Variants in CACNA1I observed in about 807,000 individuals in gnomAD.
CACNA1I encodes calcium voltage-gated channel subunit alpha1 I, also known as voltage-dependent T-type calcium channel subunit alpha-1I.
Under a neutral mutation model 201.6 loss-of-function variants are expected in CACNA1I, and 74 were observed. That is an observed-to-expected ratio of 0.37 (90% CI 0.30 to 0.45). The LOEUF (loss-of-function observed/expected upper bound fraction) is 0.45. CACNA1I is among the 20% of genes least tolerant of loss of function. The pLI is 1.00. For synonymous variants in CACNA1I, 1,431 were observed against 1,345.2 expected, an observed-to-expected ratio of 1.06 and a Z score of -1.40; for missense variants, 2,346 against 3,138.1, an observed-to-expected ratio of 0.75 and a Z score of 6.03.
chr22:39,679,670 C>G, intron 32 of CACNA1I, 52 bp from the exon 33 acceptor site: 1 of 1,531,656 alleles, frequency 6.5e-7, no homozygotes, highest in Non-Finnish European at 8.8e-7. Flanking sequence ...CCCACAGCCC[C>G]GGGACCCGGC....
At position 39,619,388 on chromosome 22, in the gene CACNA1I, A is replaced by G. The variant is rs1314120564; in HGVS notation, c.561A>G (p.Lys187=). 1 of 1,608,700 alleles carries G rather than the reference A, an allele frequency of 6.2e-7. No homozygotes were observed. The highest frequency in any genetic ancestry group is 1.7e-5 in the Admixed American group (1 of 60,012). The change falls in exon 4 of 37, where the codon AAA becomes AAG. Residue 187 remains lysine, a synonymous_variant. Transcript: ENST00000402142. The stretch of plus-strand genomic sequence containing the variant: ...CCGTGCGCGTCCTGAGGCCCCTCAA[A>G]GCCATCAACCGCGTGCCCAGTGAGT... ...IRTVRVLRPL[K]AINRVPSMRI...
chr22:39,651,103 G>A (rs1399523008), intron 10 of CACNA1I, among the ~76,000 whole-genome samples: 1 of 152,216 alleles, frequency 6.6e-6, no homozygotes, highest in Non-Finnish European at 1.5e-5. Context: ...CCAGCTCTGC[G>A]AAGGTTCCCA....
chr22:39,586,860 C>T (rs1227588608), intron 1 of CACNA1I, among the ~76,000 whole-genome samples: 2 of 152,164 alleles, frequency 1.3e-5, no homozygotes, highest in Admixed American at 1.3e-4. Context: ...ATCAGAGGCA[C>T]GGTGAGGTCC....
intron 1 of CACNA1I, among the ~76,000 whole-genome samples, chr22:39,595,441 C>T (rs528434874): frequency 7.9e-5 from 12 of 151,008 alleles, no homozygotes; most frequent in African/African-American, 1.7e-4. Context: ...CTGGCCAACA[C>T]GGTGAAAACC....
At chr22:39,589,429 C>A (rs781717892) in intron 1 of CACNA1I, among the ~76,000 whole-genome samples, 1 of 152,220 alleles carries the variant, frequency 6.6e-6, no homozygotes, top group Non-Finnish European at 1.5e-5. Context: ...ATTGAATAAA[C>A]GAATGAACGA....
At chr22:39,681,532 G>GA (rs1292821346) in intron 34 of CACNA1I, among the ~76,000 whole-genome samples, 9 of 152,204 alleles carry the variant, frequency 5.9e-5, no homozygotes, top group African/African-American at 1.7e-4. Flanking sequence ...CACATGTGAG[G>GA]AAATGGTTCC....
rs371717236 is a variant in CACNA1I at position 39,663,443 on chromosome 22, G to A, written c.3474-275G>A. On this transcript the variant is annotated intron_variant, in intron 18 of 36. Coordinates refer to ENST00000402142, the MANE Select transcript of CACNA1I (RefSeq NM_021096.4). The stretch of plus-strand genomic sequence containing the variant: ...GCAGAAGCAGAGGGTACTAGGCAGC[G>A]TGGTATCCTCCTGACAGGCTCAGGG... Among the ~76,000 whole-genome samples the A allele has an allele frequency of 5.9e-5, 9 of 152,288 alleles. No homozygotes were observed. In the South Asian group the frequency reaches 1.2e-3, roughly 21 times the overall value.
At chr22:39,602,643 C>T (rs968456494) in intron 3 of CACNA1I, among the ~76,000 whole-genome samples, 5 of 151,930 alleles carry the variant, frequency 3.3e-5, no homozygotes, top group Non-Finnish European at 4.4e-5. Context: ...GAGTGTGGAC[C>T]GTTATTTGTG....
chr22:39,679,941 G>C, intron 33 of CACNA1I, 73 bp downstream of exon 33: 1 of 1,455,366 alleles, frequency 6.9e-7, no homozygotes, highest in Non-Finnish European at 9.4e-7. Context: ...CCTGTCCGAG[G>C]GCAGAGCCTG....
chr22:39,580,498 G>C (rs1386453669), intron 1 of CACNA1I, among the ~76,000 whole-genome samples: 1 of 152,194 alleles, frequency 6.6e-6, no homozygotes, highest in Non-Finnish European at 1.5e-5. Flanking sequence ...CAACCTGGGG[G>C]CACTGGTGAA....
chr22:39,616,329 G>C (rs1933535418), intron 3 of CACNA1I, among the ~76,000 whole-genome samples: 2 of 152,178 alleles, frequency 1.3e-5, no homozygotes, highest in African/African-American at 2.4e-5. Context: ...GGGTCTGGGA[G>C]GTGTTCAGAT....
At chr22:39,576,153 C>G (rs1156825770) in intron 1 of CACNA1I, among the ~76,000 whole-genome samples, 2 of 152,184 alleles carry the variant, frequency 1.3e-5, no homozygotes, top group African/African-American at 4.8e-5. Context: ...TCCTTTTCCC[C>G]CTCTCTGAGC....
rs1935688423 is a variant in CACNA1I, at chr22:39,681,029, C to A, written c.5641C>A (p.Pro1881Thr). ...GAGTCTCGAGGACCCCACAGCCTGCCCACCTGGCCGCAAAGACAGCAAGGT... is the reference window on the plus strand; with the variant it reads ...GAGTCTCGAGGACCCCACAGCCTGCACACCTGGCCGCAAAGACAGCAAGGT... ...DLSLEDPTAC[P>T]PGRKDSKGEL... Residue 1881 changes from proline (P) to threonine (T), a missense_variant, in exon 34 of 37, where the codon CCA becomes ACA. Physicochemically the swap from Pro to Thr is conservative, Grantham distance 38. Transcript: ENST00000402142. 6.2e-7 allele frequency: 1 copy of A among 1,610,196 alleles called. No individual in the cohort carries two copies. The highest frequency in any genetic ancestry group is 8.5e-7 in the Non-Finnish European group (1 of 1,179,118).
At chr22:39,575,412 A>C (rs1379813320) in intron 1 of CACNA1I, among the ~76,000 whole-genome samples, 1 of 152,162 alleles carries the variant, frequency 6.6e-6, no homozygotes, top group African/African-American at 2.4e-5. Context: ...AAAAGCCACC[A>C]TATGTGTGGT....
rs367845735 is a variant in CACNA1I at position 39,645,216 on chromosome 22, A to G, written c.1150-1353A>G. ...TGGCCAGGCTGGTCTCGAACTCCTG[A>G]CTTCAAGTGATCCACCCACTTCAGC... On this transcript the variant is annotated intron_variant, in intron 7 of 36. Coordinates refer to ENST00000402142, the MANE Select transcript of CACNA1I (RefSeq NM_021096.4). Among the ~76,000 whole-genome samples the G allele has an allele frequency of 3.9e-4, 59 of 151,824 alleles. 1 individual carries two copies. The highest frequency in any genetic ancestry group is 1.4e-3 in the African/African-American group (59 of 41,368).
chr22:39,677,571 C>T lies in CACNA1I; in HGVS notation c.4933+152C>T, dbSNP rs1296741673. On this transcript the variant is annotated intron_variant, in intron 30 of 36. Coordinates refer to ENST00000402142, the MANE Select transcript of CACNA1I (RefSeq NM_021096.4). The surrounding 1 kb of genome is among the most constrained non-coding windows in gnomAD (Gnocchi z 4.8). ...ACAGCAGGGCCCTCAGCTGTCTGGT[C>T]TCCCAGGAAAACTGCCCTCCCTACC... Among the ~76,000 whole-genome samples the T allele has an allele frequency of 3.3e-5, 5 of 152,164 alleles. No individual in the cohort carries two copies. The highest frequency in any genetic ancestry group is 1.2e-4 in the African/African-American group (5 of 41,436).
Position 39,629,684 on chromosome 22 carries a change from A to C in CACNA1I, c.581-4881A>C, listed in dbSNP as rs933318504. On this transcript the variant is annotated intron_variant, in intron 4 of 36. Coordinates refer to ENST00000402142, the MANE Select transcript of CACNA1I (RefSeq NM_021096.4). This position sits in a 1 kb window ranked among gnomAD's most constrained non-coding sequence, Gnocchi z 4.8. ...GGGAACCACAGCTCTCCTGGGCCCCACACTCAGCGCTCCGGTTTCTGTCCC... is the reference window on the plus strand; with the variant it reads ...GGGAACCACAGCTCTCCTGGGCCCCCCACTCAGCGCTCCGGTTTCTGTCCC... Among the ~76,000 whole-genome samples the C allele has an allele frequency of 6.6e-6, 1 of 152,022 alleles. No individual in the cohort carries two copies. Among genetic ancestry groups the C allele is most frequent in the Non-Finnish European group, 1.5e-5 (1 of 67,984 alleles).
intron 1 of CACNA1I, among the ~76,000 whole-genome samples, chr22:39,572,837 A>C (rs1252511539): frequency 6.6e-6 from 1 of 151,442 alleles, no homozygotes; most frequent in African/African-American, 2.4e-5. Context: ...GCTCACTGCA[A>C]CCTCCGCCTC....
rs113521060 is a variant in CACNA1I, at chr22:39,576,131, G to A, written c.236+5143G>A. 6.4e-3 allele frequency among the ~76,000 whole-genome samples: 969 copies of A among 152,286 alleles called. 7 individuals are homozygous for A. Among genetic ancestry groups the A allele is most frequent in the African/African-American group, 0.022 (924 of 41,550 alleles). Reference sequence around the variant, plus strand: ...GCATATGAGTGAAGGGCCAGAGTGGGTTGCACTCACTTCCTTTTCCCCCTC... The same window carrying A: ...GCATATGAGTGAAGGGCCAGAGTGGATTGCACTCACTTCCTTTTCCCCCTC... On this transcript the variant is annotated intron_variant, in intron 1 of 36. Transcript: ENST00000402142.
Sources: allele counts gnomAD v4.1 joint callset (sites outside exome capture counted in the v4.1 genomes callset), GRCh38; gene constraint gnomAD v4.1.1; non-coding constraint Gnocchi (gnomAD v3.1); transcripts MANE v1.5; gene names NCBI Gene and HGNC (gene_info 2026-07-23, HGNC 2026-07-21).